Variants in TMEM116 observed in about 807,000 individuals in gnomAD.
TMEM116 encodes the protein transmembrane protein 116.
Under a neutral mutation model 44.3 loss-of-function variants are expected in TMEM116, and 38 were observed. The ratio of observed to expected loss-of-function variants is 0.86; its 90% CI spans 0.66 to 1.12. The LOEUF is 1.12. TMEM116 is among the 50% of genes most tolerant of loss of function. The pLI is 0.00. For synonymous variants in TMEM116, 132 were observed against 144.8 expected (o/e 0.91, Z 0.64); for missense variants, 354 against 401.7 (o/e 0.88, Z 1.01).
Position 111,993,728 on chromosome 12 carries a change from G to A in TMEM116, c.79-1839C>T, listed in dbSNP as rs180776463. On this transcript the variant is annotated intron_variant, in intron 3 of 10. Transcript: ENST00000552374. Reference sequence around the variant, plus strand: ...GAAGCATTGTACAAGTTTGTGGTTCGGAAGCCCTGTGGTGAATGTTCAAAG... The same window carrying A: ...GAAGCATTGTACAAGTTTGTGGTTCAGAAGCCCTGTGGTGAATGTTCAAAG... 52 of 652,400 alleles carry A rather than the reference G, an allele frequency of 8.0e-5. 2 individuals are homozygous for A. Among genetic ancestry groups the A allele is most frequent in the Admixed American group, 5.9e-4 (31 of 52,250 alleles). 40.4% of individuals were successfully genotyped at this position (652,400 alleles called of 1,614,324 possible). A position where few individuals can be genotyped will look rare whatever the true frequency, so the allele number is the denominator to read the frequency against.
rs59103081 is a variant in TMEM116 at position 111,991,217 on chromosome 12, CAAA to C, written c.210+538_210+540del. Among the ~76,000 whole-genome samples the C allele has an allele frequency of 3.5e-3, 219 of 62,806 alleles. 2 individuals are homozygous for C. Among genetic ancestry groups the C allele is most frequent in the Non-Finnish European group, 5.5e-3 (165 of 30,188 alleles). The allele number at this position is 62,806 out of a possible 152,430, so 41.2% of individuals were successfully genotyped here. A position where few individuals can be genotyped will look rare whatever the true frequency, so the allele number is the denominator to read the frequency against. On this transcript the variant is annotated intron_variant, in intron 4 of 10. Transcript: ENST00000552374. ...CTGGCGACAGAGCGAGACTCTGTCT[CAAA>C]AAAAAAAAAAAAAAAAAAACGGCTG...
Position 111,977,550 on chromosome 12 carries a change from A to G in TMEM116, c.210+14208T>C, listed in dbSNP as rs193204567. On this transcript the variant is annotated intron_variant, in intron 4 of 10. Transcript: ENST00000552374. Reference sequence around the variant, plus strand: ...TCACCAAGTAGACCTATTTTCCTAGAAAAGTTAAAGAAGTTCTTCAGAAAG... The same window carrying G: ...TCACCAAGTAGACCTATTTTCCTAGGAAAGTTAAAGAAGTTCTTCAGAAAG... 1.2e-3 allele frequency among the ~76,000 whole-genome samples: 188 copies of G among 152,292 alleles called. 1 individual carries two copies. Among genetic ancestry groups the G allele is most frequent in the Non-Finnish European group, 1.3e-3 (85 of 67,992 alleles).
At chr12:111,947,151 T>A (rs188073938) in intron 4 of TMEM116, among the ~76,000 whole-genome samples, 1 of 152,190 alleles carries the variant, frequency 6.6e-6, no homozygotes, top group Admixed American at 6.5e-5. Context: ...CCACATAAAT[T>A]TCTGTACTTG....
chr12:111,956,011 T>G (rs569659518), intron 4 of TMEM116, among the ~76,000 whole-genome samples: 12 of 152,356 alleles, frequency 7.9e-5, no homozygotes, highest in African/African-American at 2.9e-4. Context: ...AAACGATGCA[T>G]GACTGTATTT....
intron 4 of TMEM116, among the ~76,000 whole-genome samples, chr12:111,946,477 G>A (rs1320760921): frequency 6.6e-6 from 1 of 152,238 alleles, no homozygotes; most frequent in African/African-American, 2.4e-5. Context: ...GTTATCTGCA[G>A]CAGGAACATG....
At chr12:111,954,602 A>G (rs891040239) in intron 4 of TMEM116, among the ~76,000 whole-genome samples, 1 of 152,226 alleles carries the variant, frequency 6.6e-6, no homozygotes, top group African/African-American at 2.4e-5. Context: ...AAAGTCACAG[A>G]GCTAACAGCT....
At chr12:111,946,505 G>A (rs1166961803) in intron 4 of TMEM116, among the ~76,000 whole-genome samples, 3 of 152,196 alleles carry the variant, frequency 2.0e-5, no homozygotes, top group East Asian at 1.9e-4. Flanking sequence ...GGCGCAGATC[G>A]CTCAGGATAT....
At chr12:112,007,887 A>C (rs909115628) in intron 1 of TMEM116, among the ~76,000 whole-genome samples, 13 of 152,238 alleles carry the variant, frequency 8.5e-5, no homozygotes, top group Admixed American at 7.9e-4. Flanking sequence ...TATCAAAATT[A>C]ATCCCCTGCT....
chr12:111,937,296 C>CT, intron 6 of TMEM116, 53 bp from the exon 7 acceptor site: 1 of 1,377,688 alleles, frequency 7.3e-7, no homozygotes, highest in Non-Finnish European at 1.0e-6. Context: ...CATGCCCTTC[C>CT]TCCTTTGAAG....
intron 2 of TMEM116, 72 bp downstream of exon 2, chr12:112,005,184 GA>G: frequency 9.7e-7 from 1 of 1,033,308 alleles, no homozygotes; most frequent in Non-Finnish European, 1.3e-6. Flanking sequence ...CCCCAAGGGG[GA>G]AATGTGGAAA....
chr12:111,987,236 G>T (rs555697677), intron 4 of TMEM116, among the ~76,000 whole-genome samples: 1 of 152,090 alleles, frequency 6.6e-6, no homozygotes, highest in Non-Finnish European at 1.5e-5. Flanking sequence ...TGGGCATGGC[G>T]GCTCACACCT....
chr12:111,950,587 C>T (rs1450533170), intron 4 of TMEM116, among the ~76,000 whole-genome samples: 2 of 151,940 alleles, frequency 1.3e-5, no homozygotes, highest in South Asian at 2.1e-4. Context: ...GGGGAAAGGA[C>T]TCCCTATTCA....
At chr12:111,965,130 C>A (rs1169573084) in intron 4 of TMEM116, among the ~76,000 whole-genome samples, 1 of 152,182 alleles carries the variant, frequency 6.6e-6, no homozygotes, top group African/African-American at 2.4e-5. Flanking sequence ...CTCCAAAAGT[C>A]TAGGACCTCT....
At chr12:111,976,558 C>G (rs932923519) in intron 4 of TMEM116, among the ~76,000 whole-genome samples, 1 of 152,086 alleles carries the variant, frequency 6.6e-6, no homozygotes, top group Non-Finnish European at 1.5e-5. Flanking sequence ...TTACCTAATA[C>G]CTCACAACTT....
chr12:111,938,845 TAAAG>T (rs899468243), intron 5 of TMEM116, among the ~76,000 whole-genome samples: 5 of 152,082 alleles, frequency 3.3e-5, no homozygotes, highest in African/African-American at 7.2e-5. Flanking sequence ...CAGAACATCT[TAAAG>T]AAATAATAGA....
chr12:112,000,771 G>A, intron 3 of TMEM116: 1 of 536,818 alleles, frequency 1.9e-6, no homozygotes. Flanking sequence ...AATTGCAATT[G>A]AGTTTACTAT....
intron 4 of TMEM116, among the ~76,000 whole-genome samples, chr12:111,964,379 T>G (rs1035404016): frequency 2.0e-5 from 3 of 150,164 alleles, no homozygotes. Flanking sequence ...GAGATGGAGG[T>G]TGCAGTGAGC....
chr12:111,939,880 CTGTGTGTGTGTGTGTGTG>C lies in TMEM116; in HGVS notation c.316-1688_316-1671del, dbSNP rs61322648. ...AAGAAGAAAAAGTATCTTCAAAGCT[CTGTGTGTGTGTGTGTGTG>C]TGTGTGTGTGTGTGTGTGTGTGTGT... On this transcript the variant is annotated intron_variant, in intron 5 of 10. Coordinates refer to ENST00000552374, the MANE Select transcript of TMEM116 (RefSeq NM_001193531.2). Among the ~76,000 whole-genome samples, 491 of 130,458 alleles carry C rather than the reference CTGTGTGTGTGTGTGTGTG, an allele frequency of 3.8e-3. 4 individuals carry two copies. Among genetic ancestry groups the C allele is most frequent in the African/African-American group, 0.011 (374 of 35,042 alleles). 85.6% of individuals were successfully genotyped at this position (130,458 alleles called of 152,430 possible).
intron 3 of TMEM116, chr12:112,000,655 A>G (rs757407058): frequency 1.2e-4 from 53 of 448,544 alleles, no homozygotes; most frequent in Non-Finnish European, 2.3e-4. Flanking sequence ...TGATCCTCCC[A>G]TCTCAGCCTT....
Sources: allele counts gnomAD v4.1 joint callset (sites outside exome capture counted in the v4.1 genomes callset), GRCh38; gene constraint gnomAD v4.1.1; transcripts MANE v1.5; gene names NCBI Gene and HGNC (gene_info 2026-07-23, HGNC 2026-07-21).